MSRA: variants seen among roughly 807,000 people sequenced by gnomAD.
The protein encoded by MSRA is mitochondrial peptide methionine sulfoxide reductase.
MSRA carries 54 observed loss-of-function variants against 31.3 expected under a neutral mutation model. That is an observed-to-expected ratio of 1.73 (90% CI 1.39 to 2.17). MSRA has a LOEUF of 2.17. Ranked by LOEUF, MSRA falls within the 30% of genes most tolerant of loss-of-function variation. The pLI, the probability that MSRA is intolerant of heterozygous loss-of-function variation, is 0.00. For synonymous variants in MSRA, 169 were observed against 116.5 expected, an observed-to-expected ratio of 1.45 and a Z score of -2.90; for missense variants, 507 against 300.9, an observed-to-expected ratio of 1.69 and a Z score of -5.07.
At chr8:10,337,714 G>T in intron 5 of MSRA, 1 of 702,580 alleles carries the variant, frequency 1.4e-6, no homozygotes. Context: ...GGCAGCTGGT[G>T]CTTCCCTGTT....
chr8:10,075,252 A>G (rs1179963867), intron 1 of MSRA, among the ~76,000 whole-genome samples: 9 of 152,200 alleles, frequency 5.9e-5, no homozygotes. Flanking sequence ...AGTTAAATGA[A>G]CTAAAGAATG....
chr8:10,324,351 G>C (rs1278981814), intron 5 of MSRA, among the ~76,000 whole-genome samples: 5 of 152,230 alleles, frequency 3.3e-5, no homozygotes, highest in African/African-American at 1.2e-4. Flanking sequence ...CATGTGCATT[G>C]TAGAGGGGTG....
intron 2 of MSRA, among the ~76,000 whole-genome samples, chr8:10,216,553 C>T (rs1385942827): frequency 2.6e-5 from 4 of 152,200 alleles, no homozygotes; most frequent in Non-Finnish European, 4.4e-5. Context: ...AAGGGAAGCT[C>T]CATAGACACT....
intron 1 of MSRA, among the ~76,000 whole-genome samples, chr8:10,113,801 A>G (rs1800474460): frequency 1.3e-5 from 2 of 151,914 alleles, no homozygotes; most frequent in South Asian, 4.2e-4. Flanking sequence ...TTAATTGTTT[A>G]GTGAGATCTA....
At chr8:10,202,523 T>C (rs1475618110) in intron 1 of MSRA, among the ~76,000 whole-genome samples, 1 of 152,224 alleles carries the variant, frequency 6.6e-6, no homozygotes, top group Non-Finnish European at 1.5e-5. Flanking sequence ...AATGATTTCA[T>C]CACACATGAT....
At chr8:10,373,428 A>T (rs542806190) in intron 5 of MSRA, among the ~76,000 whole-genome samples, 45 of 152,304 alleles carry the variant, frequency 3.0e-4, no homozygotes, top group African/African-American at 1.1e-3. Context: ...GTGCGGTGGC[A>T]CGATCCCTGC....
At chr8:10,198,006 G>A (rs1202338544) in intron 1 of MSRA, among the ~76,000 whole-genome samples, 1 of 152,168 alleles carries the variant, frequency 6.6e-6, no homozygotes, top group Non-Finnish European at 1.5e-5. Flanking sequence ...TCTCTTTCCT[G>A]CTCAAAGAAA....
rs1027757201 is a variant in MSRA, at chr8:10,190,156, A to AG, written c.143-17671dup. ...TTGTCAGTAGAGGGCGCTTTGGGGGAGGGGGGTCATTGCTGGAGGAAGTCT... is the reference window on the plus strand; with the variant it reads ...TTGTCAGTAGAGGGCGCTTTGGGGGAGGGGGGGTCATTGCTGGAGGAAGTCT... On this transcript the variant is annotated intron_variant, in intron 1 of 5. Transcript: ENST00000317173. Among the ~76,000 whole-genome samples, 9 of 152,008 alleles carry AG rather than the reference A, an allele frequency of 5.9e-5. No homozygotes were observed. The South Asian group carries it at 1.0e-3, about 18-fold the overall frequency.
At chr8:10,403,405 G>T (rs1196268678) in intron 5 of MSRA, among the ~76,000 whole-genome samples, 1 of 152,208 alleles carries the variant, frequency 6.6e-6, no homozygotes, top group Non-Finnish European at 1.5e-5. Context: ...CTTGCTGGAA[G>T]CTGGGATGAT....
At chr8:10,117,272 G>C (rs1800754730) in intron 1 of MSRA, among the ~76,000 whole-genome samples, 4 of 152,178 alleles carry the variant, frequency 2.6e-5, no homozygotes, top group African/African-American at 7.2e-5. Context: ...TGGGGGAGGA[G>C]AGAGGTTGGA....
intron 2 of MSRA, among the ~76,000 whole-genome samples, chr8:10,236,904 C>G (rs1811992200): frequency 6.6e-6 from 1 of 152,090 alleles, no homozygotes; most frequent in Non-Finnish European, 1.5e-5. Flanking sequence ...GAAGGACATC[C>G]AAGAAGACTT....
At chr8:10,231,141 A>C (rs888928315) in intron 2 of MSRA, among the ~76,000 whole-genome samples, 2 of 152,066 alleles carry the variant, frequency 1.3e-5, no homozygotes, top group Non-Finnish European at 2.9e-5. Flanking sequence ...TGAGATGGAG[A>C]CTGACTGGAA....
intron 1 of MSRA, among the ~76,000 whole-genome samples, chr8:10,156,360 T>C (rs150026458): frequency 8.5e-5 from 13 of 152,250 alleles, no homozygotes; most frequent in Non-Finnish European, 1.6e-4. Context: ...GAGAGATGCC[T>C]TTTGGATTAC....
At chr8:10,243,974 T>G (rs1287165036) in intron 2 of MSRA, among the ~76,000 whole-genome samples, 2 of 152,250 alleles carry the variant, frequency 1.3e-5, no homozygotes, top group Admixed American at 6.5e-5. Context: ...ATATATAACT[T>G]TATTCAAATT....
chr8:10,318,124 C>T (rs1006810765), intron 4 of MSRA, among the ~76,000 whole-genome samples: 1 of 152,200 alleles, frequency 6.6e-6, no homozygotes, highest in Non-Finnish European at 1.5e-5. Context: ...GATTATTTTG[C>T]TGTAACTTCT....
chr8:10,333,211 G>T (rs758679296), intron 5 of MSRA, among the ~76,000 whole-genome samples: 1 of 152,184 alleles, frequency 6.6e-6, no homozygotes, highest in Non-Finnish European at 1.5e-5. Context: ...TCATCTTTCA[G>T]TGGCAACAGG....
Position 10,151,130 on chromosome 8 carries a change from T to C in MSRA, c.143-56703T>C, listed in dbSNP as rs1022543244. ...AGGATCCATGCCTACTTGTGGAGGG[T>C]ATCAAGAAGGGCTTCCTGGGGAGGT... On this transcript the variant is annotated intron_variant, in intron 1 of 5. Transcript: ENST00000317173. Among the ~76,000 whole-genome samples the C allele has an allele frequency of 2.7e-5, 4 of 150,610 alleles. No individual in the cohort carries two copies. In the South Asian group the frequency reaches 6.3e-4, roughly 24 times the overall value.
At chr8:10,106,898 C>A (rs945323095) in intron 1 of MSRA, among the ~76,000 whole-genome samples, 1 of 151,928 alleles carries the variant, frequency 6.6e-6, no homozygotes, top group African/African-American at 2.4e-5. Flanking sequence ...ACCCGCCTAC[C>A]CCTCTACCCA....
intron 5 of MSRA, among the ~76,000 whole-genome samples, chr8:10,398,101 C>G (rs1019091089): frequency 1.3e-5 from 2 of 152,094 alleles, no homozygotes; most frequent in Non-Finnish European, 2.9e-5. Context: ...AATTTGGGAC[C>G]CCACTATCCA....
Sources: gnomAD v4.1 joint callset for allele counts (sites outside exome capture counted in the v4.1 genomes callset) on GRCh38, gnomAD v4.1.1 for gene constraint, MANE v1.5 for transcripts, NCBI Gene and HGNC (gene_info 2026-07-23, HGNC 2026-07-21) for gene names.